LIFR: variants seen among roughly 807,000 people sequenced by gnomAD.
The protein encoded by LIFR is LIF receptor subunit alpha.
Under a neutral mutation model 122.2 loss-of-function variants are expected in LIFR, and 84 were observed. The observed-to-expected ratio is 0.69, with a 90% confidence interval of 0.58 to 0.82. LIFR has a LOEUF of 0.82. Ranked by LOEUF, LIFR falls within the 40% of genes least tolerant of loss-of-function variation. The pLI, the probability that LIFR is intolerant of heterozygous loss-of-function variation, is 0.00. For synonymous variants in LIFR, 422 were observed against 434.7 expected (o/e 0.97, Z 0.36); for missense variants, 1,294 against 1,311.6 (o/e 0.99, Z 0.21).
intron 1 of LIFR, among the ~76,000 whole-genome samples, chr5:38,547,135 G>C (rs1229884291): frequency 6.6e-6 from 1 of 152,086 alleles, no homozygotes; most frequent in Non-Finnish European, 1.5e-5. Context: ...CAATGGTATG[G>C]GGTAGAACAA....
intron 1 of LIFR, among the ~76,000 whole-genome samples, chr5:38,567,745 T>A: frequency 6.6e-6 from 1 of 151,994 alleles, no homozygotes; most frequent in East Asian, 1.9e-4. Flanking sequence ...GCCAGGCTGG[T>A]CTCGAACTCC....
chr5:38,528,792 T>C lies in LIFR; in HGVS notation c.191A>G (p.Asn64Ser). ...KCVTNNLQVW[N>S]CSWKAPSGTG... is the part of the protein sequence containing the mutation. Reference sequence around the variant, plus strand: ...TCCAGAGGGTGCTTTCCAAGAACAGTTCCACACTTGCAAATTGTTAGTTAC... The same window carrying C: ...TCCAGAGGGTGCTTTCCAAGAACAGCTCCACACTTGCAAATTGTTAGTTAC... Residue 64 changes from asparagine (N) to serine (S), a missense_variant, in exon 3 of 20, where the codon AAC becomes AGC. Asn to Ser is a conservative substitution (Grantham distance 46). Transcript: ENST00000453190. The C allele has an allele frequency of 6.3e-7, 1 of 1,594,442 alleles. No homozygotes were observed. The highest frequency in any genetic ancestry group is 8.6e-7 in the Non-Finnish European group (1 of 1,168,926).
At chr5:38,535,733 C>T (rs1747263906) in intron 1 of LIFR, among the ~76,000 whole-genome samples, 1 of 152,140 alleles carries the variant, frequency 6.6e-6, no homozygotes, top group African/African-American at 2.4e-5. Flanking sequence ...ACAAAGCAGA[C>T]ACCAAAAACT....
At chr5:38,579,218 A>G in intron 1 of LIFR, 1 of 152,154 alleles carries the variant, frequency 6.6e-6, no homozygotes, top group East Asian at 1.9e-4. Flanking sequence ...GATACAAAGA[A>G]TAGATGAACT....
At chr5:38,551,867 T>C (rs1748222818) in intron 1 of LIFR, among the ~76,000 whole-genome samples, 1 of 152,222 alleles carries the variant, frequency 6.6e-6, no homozygotes, top group Non-Finnish European at 1.5e-5. Flanking sequence ...CAACATCCTA[T>C]AAGAATGCAT....
chr5:38,496,392 T>G lies in LIFR; in HGVS notation c.1875A>C (p.Glu625Asp). 1 of 1,612,674 alleles carries G rather than the reference T, an allele frequency of 6.2e-7. No homozygotes were observed. The highest frequency in any genetic ancestry group is 8.5e-7 in the Non-Finnish European group (1 of 1,178,654). ...ATCTCAAGCACTCACCATTTGGAAT[T>G]TCCATACTCGCTATTTTGGAAGGTG... ...SSPPSKIASM[E>D]IPNDDLKIEQ... Residue 625 changes from glutamate (E) to aspartate (D), a missense_variant, in exon 13 of 20, where the codon GAA becomes GAC. Physicochemically the swap from Glu to Asp is conservative, Grantham distance 45. Transcript: ENST00000453190.
rs1017327410 is a variant in LIFR at position 38,481,151 on chromosome 5, C to T, written c.*444G>A. The T allele has an allele frequency of 6.1e-5, 16 of 263,154 alleles. No homozygotes were observed. Among genetic ancestry groups the T allele is most frequent in the Middle Eastern group, 1.1e-3 (1 of 898 alleles). 16.3% of individuals were successfully genotyped at this position (263,154 alleles called of 1,614,324 possible). ...TGGTTTTCATCTAGAAAGGAGTAAA[C>T]GTCAGGCAAATAAACTTCACCTGTT... is the stretch of plus-strand genomic sequence containing the variant. On this transcript the variant is annotated 3_prime_UTR_variant, in exon 20 of 20. Coordinates refer to ENST00000453190, the MANE Select transcript of LIFR (RefSeq NM_001127671.2).
intron 1 of LIFR, among the ~76,000 whole-genome samples, chr5:38,563,006 T>C (rs1748891052): frequency 1.3e-5 from 2 of 152,174 alleles, no homozygotes; most frequent in African/African-American, 2.4e-5. Flanking sequence ...GGGTCTCATA[T>C]TGGGAAAACA....
chr5:38,572,059 G>A (rs1259640937), intron 1 of LIFR, among the ~76,000 whole-genome samples: 1 of 152,156 alleles, frequency 6.6e-6, no homozygotes, highest in Admixed American at 6.5e-5. Flanking sequence ...GGAGAAAAAC[G>A]ATTCAAAATC....
chr5:38,558,173 TTAAAA>T (rs2112683618), upstream of LIFR: 1 of 152,168 alleles, frequency 6.6e-6, no homozygotes, highest in African/African-American at 2.4e-5. Context: ...TAATACAATC[TTAAAA>T]TGTATGTATA....
chr5:38,599,043 G>A (rs555941906), upstream of LIFR, among the ~76,000 whole-genome samples: 46 of 152,254 alleles, frequency 3.0e-4, no homozygotes, highest in South Asian at 3.1e-3. Flanking sequence ...CCTCTTCTGG[G>A]TCCTAAACCT....
chr5:38,584,950 C>T (rs1205805385), intron 1 of LIFR, among the ~76,000 whole-genome samples: 1 of 152,148 alleles, frequency 6.6e-6, no homozygotes, highest in Non-Finnish European at 1.5e-5. Context: ...TCTATTAATA[C>T]ATGCATCTCA....
At chr5:38,601,223 G>T (rs1338138545) in intron 2 of LIFR, among the ~76,000 whole-genome samples, 1 of 152,142 alleles carries the variant, frequency 6.6e-6, no homozygotes. Context: ...GCCACGTGAG[G>T]ACACAGGGAG....
chr5:38,512,974 G>A lies in LIFR; in HGVS notation c.562-1010C>T, dbSNP rs192367084. Among the ~76,000 whole-genome samples the A allele has an allele frequency of 1.3e-3, 203 of 152,152 alleles. 2 individuals carry two copies. The highest frequency in any genetic ancestry group is 7.5e-4 in the Non-Finnish European group (51 of 67,984). ...TATTTTTAAATAGAAGATTAAATAT[G>A]TAAGTTATACTAATACAAATTATTA... On this transcript the variant is annotated intron_variant, in intron 5 of 19. Transcript: ENST00000453190.
intron 1 of LIFR, among the ~76,000 whole-genome samples, chr5:38,562,013 C>G (rs1453189287): frequency 1.3e-5 from 2 of 152,186 alleles, no homozygotes; most frequent in African/African-American, 4.8e-5. Context: ...AAAGCCAACT[C>G]CCTGAGCCAA....
At chr5:38,534,704 GAAC>G (rs1369556398) in intron 1 of LIFR, among the ~76,000 whole-genome samples, 2 of 152,154 alleles carry the variant, frequency 1.3e-5, no homozygotes, top group Non-Finnish European at 2.9e-5. Flanking sequence ...TCAGGAATAA[GAAC>G]AACATCAGAA....
At chr5:38,487,801 T>C (rs1242354626) in intron 16 of LIFR, among the ~76,000 whole-genome samples, 2 of 152,174 alleles carry the variant, frequency 1.3e-5, no homozygotes, top group Admixed American at 6.5e-5. Flanking sequence ...AGGAACGTTC[T>C]TCAATCGACC....
In LIFR at chr5:38,478,404, A is replaced by G. The variant is rs1743822872; in HGVS notation, c.*3191T>C. The stretch of plus-strand genomic sequence containing the variant: ...CTGCTTCTGTTTCTAAGCTGCAGGA[A>G]CAAAGCACCTCTATCATATAAGCAC... On this transcript the variant is annotated 3_prime_UTR_variant, in exon 20 of 20. Transcript: ENST00000453190. 4.8e-6 allele frequency: 1 copy of G among 210,412 alleles called. No homozygotes were observed. The allele number at this position is 210,412 out of a possible 1,614,324, so 13.0% of individuals were successfully genotyped here. A position where few individuals can be genotyped will look rare whatever the true frequency, so the allele number is the denominator to read the frequency against.
Position 38,474,695 on chromosome 5 carries a change from T to G in LIFR, c.*6900A>C, listed in dbSNP as rs181829232. On this transcript the variant is annotated 3_prime_UTR_variant, in exon 20 of 20. Coordinates refer to ENST00000453190, the MANE Select transcript of LIFR (RefSeq NM_001127671.2). The stretch of plus-strand genomic sequence containing the variant: ...ACTTTAAAGACCAGTATTTATTATT[T>G]ATTTGCTAATGTTGGATTCCCACTA... 6.6e-6 allele frequency among the ~76,000 whole-genome samples: 1 copy of G among 152,348 alleles called. No homozygotes were observed. Among genetic ancestry groups the G allele is most frequent in the East Asian group, 1.9e-4 (1 of 5,192 alleles).
Sources: gnomAD v4.1 joint callset for allele counts (sites outside exome capture counted in the v4.1 genomes callset) on GRCh38, gnomAD v4.1.1 for gene constraint, MANE v1.5 for transcripts, NCBI Gene and HGNC (gene_info 2026-07-23, HGNC 2026-07-21) for gene names.